The following ZBTB41 variants were observed in gnomAD, a reference collection of about 807,000 sequenced individuals.
The protein encoded by ZBTB41 is zinc finger and BTB domain-containing protein 41.
In ZBTB41, 42 loss-of-function variants were observed where a neutral mutation model predicts 87.6. The ratio of observed to expected loss-of-function variants is 0.48; its 90% confidence interval spans 0.37 to 0.62. The LOEUF (loss-of-function observed/expected upper bound fraction) is 0.62. Among genes scored for constraint, ZBTB41 ranks in the 20% least tolerant of loss-of-function variants. The probability of loss-of-function intolerance (pLI) is 0.00; values close to 1 mark genes in which losing one functional copy is unlikely to be tolerated. For synonymous variants in ZBTB41, 364 were observed against 364.0 expected (o/e 1.00, Z 0.00); for missense variants, 799 against 1,078.9 (o/e 0.74, Z 3.63).
chr1:197,189,600 C>T (rs1051076572), intron 4 of ZBTB41, among the ~76,000 whole-genome samples: 11 of 151,898 alleles, frequency 7.2e-5, no homozygotes, highest in African/African-American at 2.4e-4. Context: ...TCCATAAATA[C>T]GATGGTACTC....
rs531815688 is a variant in ZBTB41 at position 197,186,131 on chromosome 1, A to T, written c.1546+2161T>A. On this transcript the variant is annotated intron_variant, in intron 5 of 10. Transcript: ENST00000367405. ...ATTGGCAAAAATAAAAAATAAAAAA[A>T]AAAGATCAACAGAACAGAATACAGA... Among the ~76,000 whole-genome samples, 4 of 152,290 alleles carry T rather than the reference A, an allele frequency of 2.6e-5. No individual in the cohort carries two copies. In the South Asian group the frequency reaches 6.2e-4, roughly 24 times the overall value.
At position 197,156,681 on chromosome 1, in the gene ZBTB41, T is replaced by C. The variant is rs182736911; in HGVS notation, c.*2678A>G. ...GCCCAAATCCATGAGGTTTTCACAA[T>C]TGTAAAATTTCTTACATTTTTGGAA... On this transcript the variant is annotated 3_prime_UTR_variant, in exon 11 of 11. Coordinates refer to ENST00000367405, the MANE Select transcript of ZBTB41 (RefSeq NM_194314.3). 4.6e-5 allele frequency: 7 copies of C among 152,368 alleles called. No individual in the cohort carries two copies. Among genetic ancestry groups the C allele is most frequent in the Non-Finnish European group, 7.4e-5 (5 of 67,752 alleles). 9.4% of individuals were successfully genotyped at this position (152,368 alleles called of 1,614,324 possible).
rs1659130973 is a variant in ZBTB41 at position 197,158,878 on chromosome 1, A to G, written c.*481T>C. 4 of 153,218 alleles carry G rather than the reference A, an allele frequency of 2.6e-5. No homozygotes were observed. The highest frequency in any genetic ancestry group is 2.6e-4 in the Admixed American group (4 of 15,416). 9.5% of individuals were successfully genotyped at this position (153,218 alleles called of 1,614,324 possible). On this transcript the variant is annotated 3_prime_UTR_variant, in exon 11 of 11. Coordinates refer to ENST00000367405, the MANE Select transcript of ZBTB41 (RefSeq NM_194314.3). The stretch of plus-strand genomic sequence containing the variant: ...TTGTAAATTCAAATTCCTAATTTCA[A>G]TTTTAAAAATTTGTATAACGTAATA...
intron 2 of ZBTB41, among the ~76,000 whole-genome samples, chr1:197,197,227 A>G (rs770444460): frequency 2.6e-5 from 4 of 152,110 alleles, no homozygotes; most frequent in Non-Finnish European, 4.4e-5. Context: ...AAACACAGAC[A>G]GGTTAAGTAA....
chr1:197,173,832 A>T (rs559830388), intron 9 of ZBTB41, among the ~76,000 whole-genome samples: 2 of 152,228 alleles, frequency 1.3e-5, no homozygotes, highest in African/African-American at 4.8e-5. Flanking sequence ...ACTGGGGGCA[A>T]TTTTGCCCCC....
At position 197,200,429 on chromosome 1, in the gene ZBTB41, A is replaced by C; in HGVS notation, c.45T>G (p.His15Gln). 6.2e-7 allele frequency: 1 copy of C among 1,606,148 alleles called. No homozygotes were observed. Among genetic ancestry groups the C allele is most frequent in the Non-Finnish European group, 8.5e-7 (1 of 1,177,850 alleles). The change falls in exon 2 of 11, where the codon CAT (histidine) becomes CAG (glutamine). Residue 15 changes from histidine (H) to glutamine (Q), a missense_variant. Physicochemically the swap from His to Gln is conservative, Grantham distance 24 (BLOSUM62 0). Transcript: ENST00000367405. ...RKVTSNLEKI[H>Q]LGYHKDSSEG... is the part of the protein sequence containing the mutation. ...CTGAAGAATCTTTATGATAGCCTAG[A>C]TGGATCTTCTCAAGATTTGAAGTAA... is the stretch of plus-strand genomic sequence containing the variant.
intron 10 of ZBTB41, among the ~76,000 whole-genome samples, chr1:197,163,024 A>G (rs1659236241): frequency 6.6e-6 from 1 of 152,200 alleles, no homozygotes; most frequent in Non-Finnish European, 1.5e-5. Flanking sequence ...GTTGACCAAT[A>G]TTTCAGCAAT....
Position 197,159,262 on chromosome 1 carries a change from G to C in ZBTB41, c.*97C>G, listed in dbSNP as rs1054147900. 1.6e-6 allele frequency: 2 copies of C among 1,237,730 alleles called. No homozygotes were observed. The highest frequency in any genetic ancestry group is 2.1e-5 in the Admixed American group (1 of 47,312). The allele number at this position is 1,237,730 out of a possible 1,614,324, so 76.7% of individuals were successfully genotyped here. On this transcript the variant is annotated 3_prime_UTR_variant, in exon 11 of 11. Coordinates refer to ENST00000367405, the MANE Select transcript of ZBTB41 (RefSeq NM_194314.3). ...ACTGTTCTGAGGACTTGAGAAACTA[G>C]AGAAAACAAGAAAATAGCAGCCCCA...
intron 7 of ZBTB41, 135 bp downstream of exon 7, chr1:197,178,282 G>A: frequency 2.1e-6 from 1 of 477,370 alleles, no homozygotes; most frequent in Non-Finnish European, 3.5e-6. Flanking sequence ...AATCTATGCA[G>A]TAAAGTTTTT....
In ZBTB41 at chr1:197,159,917, G is replaced by A; in HGVS notation, c.2172C>T (p.Phe724=). The change falls in exon 11 of 11, where the codon TTC becomes TTT. Residue 724 remains phenylalanine, a synonymous_variant. Coordinates refer to ENST00000367405, the MANE Select transcript of ZBTB41 (RefSeq NM_194314.3). ...HLVIHSDARP[F]NCQHCNATFK... ...ATGTTGCATTACAGTGCTGACAGTT[G>A]AAAGGTCGGGCATCAGAATGAATAA... 1.1e-5 allele frequency: 17 copies of A among 1,613,868 alleles called. No individual in the cohort carries two copies. The highest frequency in any genetic ancestry group is 1.4e-5 in the Non-Finnish European group (16 of 1,179,816).
chr1:197,167,586 T>C (rs984356856), intron 10 of ZBTB41, among the ~76,000 whole-genome samples: 8 of 152,192 alleles, frequency 5.3e-5, no homozygotes, highest in Non-Finnish European at 7.3e-5. Context: ...CAAACCAGTC[T>C]GGGTTTATTC....
At chr1:197,185,375 T>C (rs1424236324) in intron 5 of ZBTB41, among the ~76,000 whole-genome samples, 1 of 152,136 alleles carries the variant, frequency 6.6e-6, no homozygotes, top group Non-Finnish European at 1.5e-5. Flanking sequence ...TACCAAAGTA[T>C]ACCACCATCT....
intron 8 of ZBTB41, chr1:197,175,925 A>C (rs1659594503): frequency 6.6e-6 from 1 of 151,968 alleles, no homozygotes. Flanking sequence ...TAATAATAAT[A>C]ATCACCTGTT....
intron 10 of ZBTB41, among the ~76,000 whole-genome samples, chr1:197,169,630 G>T (rs1485964411): frequency 2.0e-5 from 3 of 152,056 alleles, no homozygotes; most frequent in Non-Finnish European, 2.9e-5. Context: ...TCTGAGTCAT[G>T]ACTACATTGA....
chr1:197,185,176 C>T (rs990396601), intron 5 of ZBTB41, among the ~76,000 whole-genome samples: 1 of 152,136 alleles, frequency 6.6e-6, no homozygotes, highest in African/African-American at 2.4e-5. Flanking sequence ...GTACAGCATA[C>T]AGATTTTTTA....
chr1:197,192,645 G>C (rs1315526553), intron 2 of ZBTB41, among the ~76,000 whole-genome samples: 1 of 151,732 alleles, frequency 6.6e-6, no homozygotes, highest in East Asian at 1.9e-4. Flanking sequence ...CAACATGAAA[G>C]GTAACTCTTA....
intron 7 of ZBTB41, among the ~76,000 whole-genome samples, chr1:197,177,831 T>G (rs939923173): frequency 2.2e-4 from 34 of 152,166 alleles, no homozygotes; most frequent in Non-Finnish European, 4.3e-4. Flanking sequence ...CAATTTAAAC[T>G]TAAAGCAAGA....
intron 10 of ZBTB41, among the ~76,000 whole-genome samples, chr1:197,167,488 C>T (rs1053168079): frequency 2.6e-5 from 4 of 152,018 alleles, no homozygotes; most frequent in Non-Finnish European, 5.9e-5. Context: ...TGTGAGCCAT[C>T]GCACCAAGCA....
chr1:197,164,680 T>C lies in ZBTB41; in HGVS notation c.2075-4666A>G, dbSNP rs1188487293. Among the ~76,000 whole-genome samples the C allele has an allele frequency of 2.1e-5, 3 of 139,950 alleles. 1 individual carries two copies. The highest frequency in any genetic ancestry group is 7.8e-5 in the African/African-American group (3 of 38,312). 91.8% of individuals were successfully genotyped at this position (139,950 alleles called of 152,430 possible). A position where few individuals can be genotyped will look rare whatever the true frequency, so the allele number is the denominator to read the frequency against. On this transcript the variant is annotated intron_variant, in intron 10 of 10. Coordinates refer to ENST00000367405, the MANE Select transcript of ZBTB41 (RefSeq NM_194314.3). The stretch of plus-strand genomic sequence containing the variant: ...GACTAATATATATCTAATACATATA[T>C]TATATTAGATATATAATACGTATCT...
Sources: gnomAD v4.1 joint callset for allele counts (sites outside exome capture counted in the v4.1 genomes callset) on GRCh38, gnomAD v4.1.1 for gene constraint, MANE v1.5 for transcripts, NCBI Gene and HGNC (gene_info 2026-07-23, HGNC 2026-07-21) for gene names.